Variants in KLK6 observed in about 807,000 individuals in gnomAD.
The protein encoded by KLK6 is kallikrein-6.
KLK6 carries 16 observed loss-of-function variants against 21.7 expected under a neutral mutation model. The observed-to-expected ratio is 0.74, with a 90% CI of 0.50 to 1.12. The LOEUF (loss-of-function observed/expected upper bound fraction) is 1.12. Among genes scored for constraint, KLK6 ranks in the 50% most tolerant of loss-of-function variants. The pLI, the probability that KLK6 is intolerant of heterozygous loss-of-function variation, is 0.00. For missense variants in KLK6, 276 were observed against 304.6 expected (o/e 0.91, Z 0.70); for synonymous variants, 116 against 120.1 (o/e 0.97, Z 0.22).
chr19:50,967,985 AT>A, intron 3 of KLK6, 79 bp downstream of exon 3: 1 of 1,002,872 alleles, frequency 1.0e-6, no homozygotes, highest in Non-Finnish European at 1.5e-6. Flanking sequence ...GCATATCCCC[AT>A]CCCCAATACC....
Position 50,965,284 on chromosome 19 carries a change from T to C in KLK6, c.198-1735A>G, listed in dbSNP as rs371385301. On this transcript the variant is annotated intron_variant, in intron 4 of 6. Transcript: ENST00000310157. Reference sequence around the variant, plus strand: ...CGGCCAGCCCAATTTGCTGCTTCTTTCTTTCCTTTTTTTTTTTTTAGACAG... The same window carrying C: ...CGGCCAGCCCAATTTGCTGCTTCTTCCTTTCCTTTTTTTTTTTTTAGACAG... Among the ~76,000 whole-genome samples, 15 of 145,538 alleles carry C rather than the reference T, an allele frequency of 1.0e-4. No individual in the cohort carries two copies. The South Asian group carries it at 1.5e-3, about 15-fold the overall frequency.
intron 4 of KLK6, among the ~76,000 whole-genome samples, chr19:50,966,411 A>G (rs982619977): frequency 6.6e-6 from 1 of 152,000 alleles, no homozygotes; most frequent in Non-Finnish European, 1.5e-5. Flanking sequence ...CCACCCTCCT[A>G]TGTCGCCGGA....
At chr19:50,965,673 C>T (rs1435696350) in intron 4 of KLK6, among the ~76,000 whole-genome samples, 2 of 152,164 alleles carry the variant, frequency 1.3e-5, no homozygotes, top group Non-Finnish European at 2.9e-5. Flanking sequence ...CTGCCCAACT[C>T]GAATGTGGCA....
Position 50,959,221 on chromosome 19 carries a change from G to T in KLK6, c.678C>A (p.Val226=). ...TCGTGTATCTGCAGACGTTGGTGTAGACTCCTGGCTTCTCCTTTGATCCAC... is the reference window on the plus strand; with the variant it reads ...TCGTGTATCTGCAGACGTTGGTGTATACTCCTGGCTTCTCCTTTGATCCAC... ...IPCGSKEKPG[V]YTNVCRYTNW... is the part of the protein sequence containing the mutation. Residue 226 remains valine, a synonymous_variant, in exon 7 of 7, where the codon GTC becomes GTA. Coordinates refer to ENST00000310157, the MANE Select transcript of KLK6 (RefSeq NM_002774.4). 2 of 1,614,118 alleles carry T rather than the reference G, an allele frequency of 1.2e-6. No individual in the cohort carries two copies. The highest frequency in any genetic ancestry group is 1.7e-6 in the Non-Finnish European group (2 of 1,180,028).
At position 50,968,071 on chromosome 19, in the gene KLK6, C is replaced by T; in HGVS notation, c.34G>A (p.Ala12Thr). Reference protein sequence around the residue: ...KKLMVVLSLIAAAWAEEQNKL... With the variant: ...KKLMVVLSLITAAWAEEQNKL... ...CCAAATGCCCTTTCCCCACCTGCAG[C>T]AATCAGACTCAGCACCACCATCAGC... The change falls in exon 3 of 7, where the codon GCT (alanine) becomes ACT (threonine). Residue 12 changes from alanine (A) to threonine (T), a missense_variant. Coordinates refer to ENST00000310157, the MANE Select transcript of KLK6 (RefSeq NM_002774.4). 6.2e-7 allele frequency: 1 copy of T among 1,614,008 alleles called. No individual in the cohort carries two copies. Among genetic ancestry groups the T allele is most frequent in the Non-Finnish European group, 8.5e-7 (1 of 1,179,976 alleles).
chr19:50,959,692 G>GAT (rs2090775680), intron 6 of KLK6, among the ~76,000 whole-genome samples: 1 of 8 alleles, frequency 0.12, no homozygotes, highest in African/African-American at 0.25. Context: ...AAGAGGAGAA[G>GAT]GAGGAGGAAG....
At chr19:50,967,990 C>T in intron 3 of KLK6, 75 bp downstream of exon 3, 2 of 1,359,618 alleles carry the variant, frequency 1.5e-6, no homozygotes. Context: ...TCCCCATCCC[C>T]AATACCAGCC....
chr19:50,966,980 T>C (rs1278464391), intron 4 of KLK6, among the ~76,000 whole-genome samples, 189 bp downstream of exon 4: 1 of 152,144 alleles, frequency 6.6e-6, no homozygotes, highest in Non-Finnish European at 1.5e-5. Context: ...TTTTATTTTC[T>C]TTTCCACTGC....
At chr19:50,961,106 A>G (rs2090834669) in intron 6 of KLK6, among the ~76,000 whole-genome samples, 1 of 83,644 alleles carries the variant, frequency 1.2e-5, no homozygotes, top group African/African-American at 5.1e-5. Flanking sequence ...CACCATGTTG[A>G]TCAGGCTGGT....
chr19:50,966,723 C>A (rs1213814608), intron 4 of KLK6, among the ~76,000 whole-genome samples: 4 of 152,180 alleles, frequency 2.6e-5, no homozygotes, highest in African/African-American at 7.2e-5. Flanking sequence ...ATCGCTGGAA[C>A]CTGGGAGGCA....
chr19:50,963,153 G>T, intron 5 of KLK6, 149 bp downstream of exon 5: 1 of 1,148,456 alleles, frequency 8.7e-7, no homozygotes, highest in East Asian at 2.4e-5. Context: ...CCTCCCCCTT[G>T]ACCTTTCTCC....
At chr19:50,960,268 C>T (rs1348539885) in intron 6 of KLK6, among the ~76,000 whole-genome samples, 2 of 151,848 alleles carry the variant, frequency 1.3e-5, no homozygotes, top group African/African-American at 2.4e-5. Flanking sequence ...CAGTCTCGCC[C>T]ACCTGCCCTT....
intron 6 of KLK6, among the ~76,000 whole-genome samples, chr19:50,959,905 A>G (rs1353430507): frequency 4.6e-4 from 16 of 34,924 alleles, no homozygotes; most frequent in East Asian, 3.2e-3. Flanking sequence ...GGAGGAGGAG[A>G]AGGAAGAGGA....
Position 50,969,470 on chromosome 19 carries a change from G to A in KLK6, c.-60+20C>T, listed in dbSNP as rs1044653934. 25 of 152,476 alleles carry A rather than the reference G, an allele frequency of 1.6e-4. No homozygotes were observed. Among genetic ancestry groups the A allele is most frequent in the Non-Finnish European group, 1.6e-4 (11 of 68,334 alleles). The allele number at this position is 152,476 out of a possible 1,614,324, so 9.4% of individuals were successfully genotyped here. On this transcript the variant is annotated intron_variant, in intron 1 of 6. Transcript: ENST00000310157. ...GAAGCAGCCTGCCCAGGTTCAGTGCGGTTGGGGTGACTCACACACCTGCCC... is the reference window on the plus strand; with the variant it reads ...GAAGCAGCCTGCCCAGGTTCAGTGCAGTTGGGGTGACTCACACACCTGCCC...
Position 50,967,341 on chromosome 19 carries a change from T to C in KLK6, c.41-16A>G. ...TCTGCCCAGGCTGAGGGAGAGAAGA[T>C]CTGAGTCAGAGAGGAGTTCTGGAGA... On this transcript the variant is annotated splice_polypyrimidine_tract_variant and intron_variant, in intron 3 of 6. Transcript: ENST00000310157. 6.3e-7 allele frequency: 1 copy of C among 1,584,318 alleles called. No individual in the cohort carries two copies. Among genetic ancestry groups the C allele is most frequent in the South Asian group, 1.2e-5 (1 of 86,810 alleles).
chr19:50,961,654 G>A, intron 6 of KLK6, 90 bp downstream of exon 6: 1 of 1,491,172 alleles, frequency 6.7e-7, no homozygotes. Flanking sequence ...CTCTCTTTTG[G>A]CCTGTGTCTC....
At chr19:50,961,107 T>C (rs2090834704) in intron 6 of KLK6, among the ~76,000 whole-genome samples, 1 of 80,242 alleles carries the variant, frequency 1.2e-5, no homozygotes, top group African/African-American at 5.3e-5. Context: ...ACCATGTTGA[T>C]CAGGCTGGTC....
chr19:50,961,581 C>A (rs1418124843), intron 6 of KLK6, among the ~76,000 whole-genome samples, 163 bp downstream of exon 6: 1 of 152,134 alleles, frequency 6.6e-6, no homozygotes, highest in Non-Finnish European at 1.5e-5. Context: ...GTGTGTTGAA[C>A]TAAGTCTCTT....
intron 4 of KLK6, 116 bp from the exon 5 acceptor site, chr19:50,963,665 G>A (rs2090881610): frequency 1.7e-6 from 2 of 1,205,412 alleles, no homozygotes; most frequent in East Asian, 4.8e-5. Flanking sequence ...TTCCCCAGCT[G>A]GGTAAATGGC....
Sources: allele counts gnomAD v4.1 joint callset (sites outside exome capture counted in the v4.1 genomes callset), GRCh38; gene constraint gnomAD v4.1.1; transcripts MANE v1.5; gene names NCBI Gene and HGNC (gene_info 2026-07-23, HGNC 2026-07-21).